SOX5: variants seen among roughly 807,000 people sequenced by gnomAD.
SOX5 encodes SRY-box transcription factor 5.
In SOX5, 9 loss-of-function variants were observed where a neutral mutation model predicts 92.0. The ratio of observed to expected loss-of-function variants is 0.10; its 90% CI spans 0.06 to 0.17. The LOEUF (loss-of-function observed/expected upper bound fraction) is 0.17, where lower values mean the gene tolerates loss of function less well. Ranked by LOEUF, SOX5 falls within the 10% of genes least tolerant of loss-of-function variation. The probability of loss-of-function intolerance (pLI) is 1.00; values close to 1 mark genes in which losing one functional copy is unlikely to be tolerated. For synonymous variants in SOX5, 344 were observed against 336.3 expected (o/e 1.02, Z -0.25); for missense variants, 642 against 944.5 (o/e 0.68, Z 4.20).
At position 23,819,807 on chromosome 12, in the gene SOX5, C is replaced by T. The variant is rs2096071574; in HGVS notation, c.481+26176G>A. On this transcript the variant is annotated intron_variant, in intron 3 of 14. Coordinates refer to ENST00000451604, the MANE Select transcript of SOX5 (RefSeq NM_006940.6). ...ACCATTTCATGGTGTATATGTGCCA[C>T]ATTTTTTTAATCCAGTCTAACATTG... Among the ~76,000 whole-genome samples the T allele has an allele frequency of 2.0e-5, 3 of 152,216 alleles. No homozygotes were observed. In the South Asian group the frequency reaches 6.2e-4, roughly 32 times the overall value.
intron 3 of SOX5, among the ~76,000 whole-genome samples, chr12:23,824,508 G>A (rs912429366): frequency 1.3e-5 from 2 of 152,176 alleles, no homozygotes. Flanking sequence ...TCCCAGAGGG[G>A]CAGAGCCAGC....
At chr12:23,535,635 T>C (rs1940218908) in intron 14 of SOX5, among the ~76,000 whole-genome samples, 1 of 152,184 alleles carries the variant, frequency 6.6e-6, no homozygotes, top group South Asian at 2.1e-4. Flanking sequence ...TGAGGAGTCA[T>C]GTGCTTGCAT....
At chr12:24,087,234 G>A (rs993180607) in intron 4 of SOX5, among the ~76,000 whole-genome samples, 3 of 151,742 alleles carry the variant, frequency 2.0e-5, no homozygotes, top group African/African-American at 7.3e-5. Context: ...CCTAATTATT[G>A]TTCCAGGAAT....
chr12:23,943,347 A>G (rs1034752239), intron 1 of SOX5, among the ~76,000 whole-genome samples: 1 of 152,056 alleles, frequency 6.6e-6, no homozygotes, highest in African/African-American at 2.4e-5. Flanking sequence ...CACACTCCAC[A>G]TTTCATTTAA....
intron 4 of SOX5, 129 bp from the exon 5 acceptor site, chr12:23,741,168 C>T (rs2141002826): frequency 1.8e-6 from 1 of 567,746 alleles, no homozygotes; most frequent in African/African-American, 1.9e-5. Flanking sequence ...CATTACCTAC[C>T]TTCTTTTACA....
chr12:24,076,055 A>G (rs1942545753), intron 4 of SOX5, among the ~76,000 whole-genome samples: 1 of 152,154 alleles, frequency 6.6e-6, no homozygotes. Flanking sequence ...CCATTGGTTT[A>G]CTTTAAATCC....
At chr12:23,544,740 T>C (rs1238605355) in intron 12 of SOX5, among the ~76,000 whole-genome samples, 1 of 152,226 alleles carries the variant, frequency 6.6e-6, no homozygotes, top group African/African-American at 2.4e-5. Context: ...TTACTGTGGG[T>C]ATATTTTATC....
At chr12:23,546,522 A>C in intron 11 of SOX5, 98 bp from the exon 12 acceptor site, 1 of 687,804 alleles carries the variant, frequency 1.5e-6, no homozygotes, top group South Asian at 1.8e-5. Context: ...ACTCCTGGAA[A>C]GGATGCAATG....
At chr12:24,376,024 C>A (rs1197932979) in intron 1 of SOX5, among the ~76,000 whole-genome samples, 2 of 152,130 alleles carry the variant, frequency 1.3e-5, no homozygotes, top group African/African-American at 4.8e-5. Flanking sequence ...CTAAGATTCA[C>A]TAAGAAAGAT....
intron 2 of SOX5, among the ~76,000 whole-genome samples, chr12:24,344,108 C>G (rs1168382501): frequency 6.6e-6 from 1 of 151,868 alleles, no homozygotes; most frequent in East Asian, 1.9e-4. Flanking sequence ...CATGGTGAAA[C>G]CCCGTCTCTA....
At chr12:23,953,225 G>T (rs1157813294), upstream of SOX5, among the ~76,000 whole-genome samples, 1 of 151,916 alleles carries the variant, frequency 6.6e-6, no homozygotes, top group Non-Finnish European at 1.5e-5. Context: ...TTTGTCTTGG[G>T]TTATTTCATT....
In SOX5 at chr12:23,533,355, T is replaced by TAAA. The variant is rs1284826215; in HGVS notation, c.*861_*863dup. 4.5e-6 allele frequency: 1 copy of TAAA among 222,032 alleles called. No homozygotes were observed. Among genetic ancestry groups the TAAA allele is most frequent in the Non-Finnish European group, 9.5e-6 (1 of 105,422 alleles). 13.8% of individuals were successfully genotyped at this position (222,032 alleles called of 1,614,324 possible). On this transcript the variant is annotated 3_prime_UTR_variant, in exon 15 of 15. Coordinates refer to ENST00000451604, the MANE Select transcript of SOX5 (RefSeq NM_006940.6). ...TGAGAACAGCACCTACAGTTTCCAT[T>TAAA]AAAAAAAAAAGTCAAATCTCACCAG...
intron 8 of SOX5, among the ~76,000 whole-genome samples, chr12:23,626,342 G>A (rs1322533169): frequency 6.6e-6 from 1 of 152,044 alleles, no homozygotes; most frequent in African/African-American, 2.4e-5. Context: ...TCTTTTTCAT[G>A]TGTAATCATG....
intron 4 of SOX5, among the ~76,000 whole-genome samples, chr12:24,059,374 T>C (rs961341293): frequency 8.0e-5 from 12 of 150,630 alleles, no homozygotes; most frequent in African/African-American, 2.7e-4. Flanking sequence ...TTGAGATAAA[T>C]AAACCCCACA....
intron 4 of SOX5, among the ~76,000 whole-genome samples, chr12:24,070,871 A>G (rs540399257): frequency 1.3e-5 from 2 of 152,290 alleles, no homozygotes; most frequent in African/African-American, 2.4e-5. Flanking sequence ...CCTTCCAGTC[A>G]ATTATCCACC....
intron 6 of SOX5, among the ~76,000 whole-genome samples, chr12:23,721,897 GA>G (rs376025887): frequency 6.6e-5 from 10 of 152,148 alleles, no homozygotes; most frequent in African/African-American, 2.4e-4. Context: ...TAAAAACGAG[GA>G]TATATGAATG....
At chr12:24,333,200 T>C (rs1013110826) in intron 2 of SOX5, among the ~76,000 whole-genome samples, 6 of 152,086 alleles carry the variant, frequency 3.9e-5, no homozygotes, top group Non-Finnish European at 7.4e-5. Flanking sequence ...TTCATATTAT[T>C]ATGCTAGTTT....
At position 24,413,367 on chromosome 12, in the gene SOX5, A is replaced by G. The variant is rs190904299; in HGVS notation, c.-250-44728T>C. Among the ~76,000 whole-genome samples the G allele has an allele frequency of 5.7e-3, 868 of 151,950 alleles. 6 individuals are homozygous for G. Among genetic ancestry groups the G allele is most frequent in the African/African-American group, 0.02 (821 of 41,400 alleles). On this transcript the variant is annotated intron_variant, in intron 1 of 4. Coordinates refer to the SOX5 transcript ENST00000446891. ...TATTATATCTGATATTAACATAGCA[A>G]CTCCCACTTTCTTTGTATTAATGTC...
At chr12:23,568,786 A>G (rs996785512) in intron 10 of SOX5, among the ~76,000 whole-genome samples, 5 of 151,750 alleles carry the variant, frequency 3.3e-5, no homozygotes, top group African/African-American at 1.2e-4. Flanking sequence ...AAGCCACCTG[A>G]TATCTCACTA....
Sources: allele counts gnomAD v4.1 joint callset (sites outside exome capture counted in the v4.1 genomes callset), GRCh38; gene constraint gnomAD v4.1.1; transcripts MANE v1.5; gene names NCBI Gene and HGNC (gene_info 2026-07-23, HGNC 2026-07-21).